PARM1: variants seen among roughly 807,000 people sequenced by gnomAD.
PARM1 encodes the protein WSC4, cell wall integrity and stress response component 4 homolog.
A neutral mutation model predicts 24.6 loss-of-function variants in PARM1; 14 were observed. That is an observed-to-expected ratio of 0.57 (90% CI 0.38 to 0.89). The LOEUF (loss-of-function observed/expected upper bound fraction) is 0.89, where lower values mean the gene tolerates loss of function less well. Among genes scored for constraint, PARM1 ranks in the 40% least tolerant of loss-of-function variants. The pLI is 0.00. For missense variants in PARM1, 362 were observed against 380.4 expected (o/e 0.95, Z 0.40); for synonymous variants, 179 against 156.6 (o/e 1.14, Z -1.07).
intron 1 of PARM1, among the ~76,000 whole-genome samples, chr4:74,983,316 A>G (rs2109773848): frequency 1.3e-5 from 2 of 152,330 alleles, no homozygotes; most frequent in South Asian, 4.1e-4. Flanking sequence ...ATCTTAACTC[A>G]TAACTATTTT....
chr4:75,017,626 A>G (rs1014224211), intron 2 of PARM1, among the ~76,000 whole-genome samples: 1 of 152,048 alleles, frequency 6.6e-6, no homozygotes, highest in Non-Finnish European at 1.5e-5. Flanking sequence ...TTCTGACATC[A>G]TCTGATTTAT....
chr4:75,037,925 T>G (rs1723403577), intron 3 of PARM1, among the ~76,000 whole-genome samples: 1 of 152,186 alleles, frequency 6.6e-6, no homozygotes, highest in South Asian at 2.1e-4. Flanking sequence ...GGGGCAAGTT[T>G]TCTTTTTTTG....
chr4:74,987,374 C>T (rs1722377845), intron 1 of PARM1, among the ~76,000 whole-genome samples: 1 of 151,814 alleles, frequency 6.6e-6, no homozygotes, highest in Non-Finnish European at 1.5e-5. Context: ...TTCCATAGTA[C>T]TTTTGAATTC....
intron 1 of PARM1, among the ~76,000 whole-genome samples, chr4:74,988,149 G>A (rs1400212807): frequency 1.3e-5 from 2 of 152,144 alleles, no homozygotes; most frequent in African/African-American, 4.8e-5. Context: ...AGATGGCTGT[G>A]TGTATAGTGG....
intron 2 of PARM1, among the ~76,000 whole-genome samples, chr4:75,031,739 C>T (rs915807985): frequency 8.5e-5 from 13 of 152,176 alleles, no homozygotes; most frequent in African/African-American, 3.1e-4. Context: ...AAAAAATCAG[C>T]TATATTCATT....
intron 1 of PARM1, among the ~76,000 whole-genome samples, chr4:74,949,550 G>T (rs1478700320): frequency 1.3e-5 from 2 of 152,216 alleles, no homozygotes; most frequent in East Asian, 3.8e-4. Context: ...CTGACCTTGT[G>T]ATCCACCTGT....
At chr4:74,974,262 C>G (rs1038755363) in intron 1 of PARM1, among the ~76,000 whole-genome samples, 1 of 152,246 alleles carries the variant, frequency 6.6e-6, no homozygotes, top group African/African-American at 2.4e-5. Context: ...CAGAAACACC[C>G]TCACAGAGCT....
intron 1 of PARM1, among the ~76,000 whole-genome samples, chr4:74,935,532 G>A (rs1255873546): frequency 6.6e-6 from 1 of 152,104 alleles, no homozygotes; most frequent in Admixed American, 6.5e-5. Context: ...TGTGTTTTGG[G>A]GGCTTATCCC....
intron 1 of PARM1, among the ~76,000 whole-genome samples, chr4:74,936,657 G>A (rs1425624778): frequency 2.6e-5 from 4 of 151,810 alleles, no homozygotes; most frequent in East Asian, 1.9e-4. Flanking sequence ...GGGTTTCACC[G>A]TGTTAGCTAG....
chr4:74,942,554 T>G (rs10003137), intron 1 of PARM1, among the ~76,000 whole-genome samples: 148,012 of 152,338 alleles, frequency 0.97, 72,040 homozygotes, highest in East Asian at 1. Flanking sequence ...CACCTTTCTA[T>G]TTGCTCAGAC....
intron 1 of PARM1, among the ~76,000 whole-genome samples, chr4:74,985,554 T>C (rs1722335569): frequency 6.6e-6 from 1 of 152,114 alleles, no homozygotes; most frequent in Non-Finnish European, 1.5e-5. Flanking sequence ...GCAACTTGCT[T>C]AAGGTCATAA....
intron 3 of PARM1, among the ~76,000 whole-genome samples, chr4:75,043,722 C>A (rs1723543851): frequency 6.6e-6 from 1 of 152,174 alleles, no homozygotes; most frequent in Admixed American, 6.5e-5. Flanking sequence ...TCTCAACCAT[C>A]CTGTTAAAGG....
intron 1 of PARM1, among the ~76,000 whole-genome samples, chr4:74,994,536 T>C (rs1422209277): frequency 6.6e-6 from 1 of 152,132 alleles, no homozygotes; most frequent in African/African-American, 2.4e-5. Flanking sequence ...TGGCCAGGCA[T>C]GGTGACTCAC....
chr4:75,029,819 A>G (rs1723243640), intron 2 of PARM1, among the ~76,000 whole-genome samples: 1 of 152,100 alleles, frequency 6.6e-6, no homozygotes, highest in Non-Finnish European at 1.5e-5. Context: ...AGGTGATTCC[A>G]AGGTGAATAG....
Position 75,013,081 on chromosome 4 carries a change from A to G in PARM1, c.700A>G (p.Ile234Val). The G allele has an allele frequency of 6.2e-7, 1 of 1,614,052 alleles. No homozygotes were observed. Among genetic ancestry groups the G allele is most frequent in the Middle Eastern group, 1.6e-4 (1 of 6,062 alleles). Reference sequence around the variant, plus strand: ...GTCAGGCAAAGTGATGTGTGAGCTCATAGACATGGAGACCACCACCACCTT... The same window carrying G: ...GTCAGGCAAAGTGATGTGTGAGCTCGTAGACATGGAGACCACCACCACCTT... ...TVSGKVMCEL[I>V]DMETTTTFPR... Residue 234 changes from isoleucine to valine, a missense_variant, in exon 2 of 4, where the codon ATA (isoleucine) becomes GTA (valine). Physicochemically the swap from Ile to Val is conservative, Grantham distance 29 (BLOSUM62 3). Coordinates refer to ENST00000307428, the MANE Select transcript of PARM1 (RefSeq NM_015393.4).
chr4:74,961,532 A>G (rs1721774134), intron 1 of PARM1, among the ~76,000 whole-genome samples: 1 of 152,226 alleles, frequency 6.6e-6, no homozygotes, highest in African/African-American at 2.4e-5. Flanking sequence ...TTGAAAGCCA[A>G]AGACAAAGAG....
intron 1 of PARM1, among the ~76,000 whole-genome samples, chr4:74,940,943 G>GT (rs1486456117): frequency 6.6e-6 from 1 of 152,214 alleles, no homozygotes; most frequent in Non-Finnish European, 1.5e-5. Context: ...GTATATCTCA[G>GT]AATTACAACA....
chr4:75,041,600 T>A (rs753556186), intron 3 of PARM1, among the ~76,000 whole-genome samples: 6 of 152,198 alleles, frequency 3.9e-5, no homozygotes, highest in Admixed American at 3.9e-4. Context: ...GACACTTCAC[T>A]CATTTTCAAA....
chr4:74,991,849 G>A (rs897017959), intron 1 of PARM1, among the ~76,000 whole-genome samples: 53 of 152,210 alleles, frequency 3.5e-4, no homozygotes, highest in African/African-American at 1.2e-3. Flanking sequence ...CCAGAACAAA[G>A]TTCAAGAACA....
Sources: allele counts gnomAD v4.1 joint callset (sites outside exome capture counted in the v4.1 genomes callset), GRCh38; gene constraint gnomAD v4.1.1; transcripts MANE v1.5; gene names NCBI Gene and HGNC (gene_info 2026-07-23, HGNC 2026-07-21).